Variants in GALK2 observed in about 807,000 individuals in gnomAD.
GALK2 encodes the protein galactokinase 2.
In GALK2, 36 loss-of-function variants were observed where a neutral mutation model predicts 52.4. That is an observed-to-expected ratio of 0.69 (90% CI 0.53 to 0.91). The LOEUF (loss-of-function observed/expected upper bound fraction) is 0.91. Ranked by LOEUF, GALK2 falls within the 40% of genes least tolerant of loss-of-function variation. GALK2 has a pLI of 0.00. For missense variants in GALK2, 579 were observed against 559.1 expected (o/e 1.04, Z -0.36); for synonymous variants, 176 against 199.1 (o/e 0.88, Z 0.98).
intron 3 of GALK2, among the ~76,000 whole-genome samples, chr15:49,355,202 C>T (rs185148554): frequency 0.027 from 4,058 of 152,200 alleles, 78 homozygotes; most frequent in Admixed American, 0.045. Context: ...TCCAAAGGAA[C>T]GCAGTTCCTC....
chr15:49,305,959 A>G (rs1438366411), intron 8 of GALK2, among the ~76,000 whole-genome samples: 2 of 152,228 alleles, frequency 1.3e-5, no homozygotes, highest in Non-Finnish European at 2.9e-5. Context: ...TGCCAGTTAT[A>G]GTGTAAACAC....
At chr15:49,164,735 C>A (rs1331777351) in intron 1 of GALK2, among the ~76,000 whole-genome samples, 1 of 119,526 alleles carries the variant, frequency 8.4e-6, no homozygotes, top group Non-Finnish European at 1.6e-5. Context: ...GAGCCGAGAT[C>A]ATGCCATTGC....
At chr15:49,244,129 T>C (rs1366953824) in intron 5 of GALK2, among the ~76,000 whole-genome samples, 1 of 151,794 alleles carries the variant, frequency 6.6e-6, no homozygotes, top group Non-Finnish European at 1.5e-5. Context: ...AAAAATAGAG[T>C]TGGGGCCTCT....
At chr15:49,343,466 C>G (rs551739064) in intron 3 of GALK2, 1 of 152,174 alleles carries the variant, frequency 6.6e-6, no homozygotes, top group African/African-American at 2.4e-5. Flanking sequence ...ACTCTAGTGC[C>G]TGTGTTTAAG....
chr15:49,165,558 T>A (rs1016377519), upstream of GALK2, among the ~76,000 whole-genome samples: 4 of 152,076 alleles, frequency 2.6e-5, no homozygotes, highest in Non-Finnish European at 2.9e-5. Context: ...TTTCTCATCA[T>A]AATTGAGATA....
intron 9 of GALK2, among the ~76,000 whole-genome samples, chr15:49,324,488 C>A (rs2037169974): frequency 6.6e-6 from 1 of 151,524 alleles, no homozygotes; most frequent in South Asian, 2.1e-4. Context: ...AATATACATG[C>A]CATTTGCAGG....
chr15:49,358,037 AC>A (rs925266150), intron 3 of GALK2, among the ~76,000 whole-genome samples: 6 of 152,074 alleles, frequency 3.9e-5, no homozygotes, highest in African/African-American at 1.4e-4. Context: ...AAATTCAACA[AC>A]CCTTCATGCT....
At chr15:49,332,087 C>CCA (rs377139081), downstream of GALK2, among the ~76,000 whole-genome samples, 3,335 of 127,962 alleles carry the variant, frequency 0.026, 55 homozygotes, top group Non-Finnish European at 0.038. Context: ...TGCACACGTG[C>CCA]CACACACACA....
rs758979146 is a variant in GALK2, at chr15:49,344,409, A to T, written c.427-23082A>T. ...GTTTGCAAAAGGTTACACTGAATGT[A>T]CATACCTAAGGTGCTCTATTTCTCT... On this transcript the variant is annotated intron_variant, in intron 3 of 3. Coordinates refer to the GALK2 transcript ENST00000558399. Among the ~76,000 whole-genome samples, 15 of 152,246 alleles carry T rather than the reference A, an allele frequency of 9.9e-5. 1 individual carries two copies. Among genetic ancestry groups the T allele is most frequent in the Admixed American group, 2.0e-4 (3 of 15,288 alleles).
chr15:49,366,706 G>C, intron 3 of GALK2: 1 of 1,348,630 alleles, frequency 7.4e-7, no homozygotes, highest in Non-Finnish European at 1.0e-6. Flanking sequence ...GTGGCGGGTG[G>C]GGTGGCGCGG....
At chr15:49,293,641 G>C (rs2034161224) in intron 8 of GALK2, among the ~76,000 whole-genome samples, 1 of 152,210 alleles carries the variant, frequency 6.6e-6, no homozygotes, top group East Asian at 1.9e-4. Flanking sequence ...GTAGACTAAA[G>C]TTTACCTTAG....
intron 3 of GALK2, among the ~76,000 whole-genome samples, chr15:49,362,710 G>A (rs1465203810): frequency 6.6e-6 from 1 of 152,044 alleles, no homozygotes; most frequent in Non-Finnish European, 1.5e-5. Context: ...CCTACGTTCA[G>A]AATGGTATGT....
intron 5 of GALK2, among the ~76,000 whole-genome samples, chr15:49,273,494 C>T (rs1351937672): frequency 6.6e-6 from 1 of 151,570 alleles, no homozygotes; most frequent in Non-Finnish European, 1.5e-5. Context: ...TGCATTACAT[C>T]TCTTAAGTTA....
chr15:49,270,561 A>T (rs950416959), intron 5 of GALK2, among the ~76,000 whole-genome samples: 2 of 152,218 alleles, frequency 1.3e-5, no homozygotes, highest in African/African-American at 4.8e-5. Flanking sequence ...AGCACAGTGC[A>T]GTAAAATCAA....
chr15:49,299,467 G>C (rs1045163371), intron 8 of GALK2, among the ~76,000 whole-genome samples: 5 of 151,878 alleles, frequency 3.3e-5, no homozygotes, highest in Admixed American at 1.3e-4. Context: ...AGTTCCTTTA[G>C]GTGTGATGTT....
intron 7 of GALK2, 106 bp downstream of exon 7, chr15:49,283,824 C>A: frequency 9.0e-7 from 1 of 1,113,502 alleles, no homozygotes. Context: ...GGGCAACATT[C>A]TGACTGCACA....
upstream of GALK2, among the ~76,000 whole-genome samples, chr15:49,168,290 G>A (rs986888573): frequency 1.3e-5 from 2 of 152,072 alleles, no homozygotes; most frequent in African/African-American, 4.8e-5. Flanking sequence ...ATTCTTTTTC[G>A]AAACAGTTTC....
chr15:49,162,485 T>G (rs955690549), intron 1 of GALK2, among the ~76,000 whole-genome samples: 2 of 152,254 alleles, frequency 1.3e-5, no homozygotes, highest in African/African-American at 4.8e-5. Flanking sequence ...TATGTTTTGT[T>G]TCTCTTGGGT....
At chr15:49,296,651 G>A (rs1162721844) in intron 8 of GALK2, among the ~76,000 whole-genome samples, 1 of 151,530 alleles carries the variant, frequency 6.6e-6, no homozygotes, top group African/African-American at 2.4e-5. Context: ...CTAGGCTGGA[G>A]TGCAGTGATG....
Sources: allele counts gnomAD v4.1 joint callset (sites outside exome capture counted in the v4.1 genomes callset), GRCh38; gene constraint gnomAD v4.1.1; transcripts MANE v1.5; gene names NCBI Gene and HGNC (gene_info 2026-07-23, HGNC 2026-07-21).